Variants in CFLAR observed in about 807,000 individuals in gnomAD.
The protein encoded by CFLAR is CASP8 and FADD like apoptosis regulator.
A neutral mutation model predicts 51.1 loss-of-function variants in CFLAR; 14 were observed. That is an observed-to-expected ratio of 0.27 (90% CI 0.18 to 0.43). CFLAR has a LOEUF of 0.43. CFLAR is among the 20% of genes least tolerant of loss of function. The probability of loss-of-function intolerance (pLI) is 1.00; values close to 1 mark genes in which losing one functional copy is unlikely to be tolerated. For synonymous variants in CFLAR, 210 were observed against 211.6 expected, an observed-to-expected ratio of 0.99 and a Z score of 0.06; for missense variants, 390 against 566.5, an observed-to-expected ratio of 0.69 and a Z score of 3.16.
In CFLAR at chr2:201,164,063, C is replaced by T. The variant is rs1234144739; in HGVS notation, c.*90C>T. The T allele has an allele frequency of 2.7e-4, 277 of 1,039,812 alleles. No homozygotes were observed. The highest frequency in any genetic ancestry group is 3.4e-4 in the Non-Finnish European group (247 of 724,446). 64.4% of individuals were successfully genotyped at this position (1,039,812 alleles called of 1,614,324 possible). ...GGCAGATCACTTCAGGTCAGGAGTT[C>T]GAGACCAGCCTGGCCAACATGGTAA... On this transcript the variant is annotated 3_prime_UTR_variant, in exon 10 of 10. Transcript: ENST00000309955.
In CFLAR at chr2:201,160,544, C is replaced by CTA; in HGVS notation, c.906_907insTA (p.Arg303TyrfsTer12). The CTA allele has an allele frequency of 6.2e-7, 1 of 1,614,036 alleles. No homozygotes were observed. On this transcript the variant is annotated frameshift_variant, in exon 9 of 10. Coordinates refer to ENST00000309955, the MANE Select transcript of CFLAR (RefSeq NM_003879.7). LOFTEE classifies it high-confidence loss of function. ...GCCAATTTGCCTGTATGCCCGAGCA[C>CTA]CGAGACTACGACAGCTTTGTGTGTG...
At chr2:201,131,205 G>A (rs1239142922) in intron 2 of CFLAR, among the ~76,000 whole-genome samples, 3 of 152,150 alleles carry the variant, frequency 2.0e-5, no homozygotes, top group African/African-American at 7.2e-5. Context: ...GACTTCCTGG[G>A]GAAAGGAAGA....
chr2:201,143,232 A>C (rs1939357220), intron 5 of CFLAR: 1 of 152,172 alleles, frequency 6.6e-6, no homozygotes, highest in South Asian at 2.1e-4. Flanking sequence ...CTGTAATCTC[A>C]GCACGTTGGG....
chr2:201,164,002 A>G lies in CFLAR; in HGVS notation c.*29A>G. 2 of 1,595,180 alleles carry G rather than the reference A, an allele frequency of 1.3e-6. No individual in the cohort carries two copies. Among genetic ancestry groups the G allele is most frequent in the African/African-American group, 2.7e-5 (2 of 74,314 alleles). ...ACCAAAAGGCTGGGCGTAGTGGCTC[A>G]CACCTGTAATCCCAGCACTTTGGGA... On this transcript the variant is annotated 3_prime_UTR_variant, in exon 10 of 10. Coordinates refer to ENST00000309955, the MANE Select transcript of CFLAR (RefSeq NM_003879.7).
At chr2:201,154,630 G>A (rs1247194814) in intron 8 of CFLAR, 2 of 152,248 alleles carry the variant, frequency 1.3e-5, no homozygotes, top group East Asian at 1.9e-4. Flanking sequence ...AATGAATGAA[G>A]GAATAAGCTC....
At chr2:201,135,246 C>T (rs2049942783) in intron 3 of CFLAR, among the ~76,000 whole-genome samples, 1 of 152,188 alleles carries the variant, frequency 6.6e-6, no homozygotes, top group South Asian at 2.1e-4. Flanking sequence ...AAAACTATAA[C>T]ATGTGATTTT....
At position 201,138,157 on chromosome 2, in the gene CFLAR, C is replaced by T. The variant is rs1242107641; in HGVS notation, c.523+2050C>T. The T allele has an allele frequency of 1.8e-5, 16 of 877,764 alleles. No homozygotes were observed. The South Asian group carries it at 2.0e-4, about 11-fold the overall frequency. 54.4% of individuals were successfully genotyped at this position (877,764 alleles called of 1,614,324 possible). On this transcript the variant is annotated intron_variant, in intron 4 of 9. Transcript: ENST00000309955. The surrounding 1 kb of genome is among the most constrained non-coding windows in gnomAD (Gnocchi z 4.0). The stretch of plus-strand genomic sequence containing the variant: ...TGGCCTGGGCTGCTGTCACCACGTT[C>T]CCCCCAATCACCTGGAGGTGGGGTT...
chr2:201,136,704 G>A, intron 4 of CFLAR: 1 of 686,970 alleles, frequency 1.5e-6, no homozygotes, highest in Non-Finnish European at 2.3e-6. Flanking sequence ...GGGCATGGCT[G>A]AGACTCATTG....
At chr2:201,160,989 G>A (rs542523512) in intron 9 of CFLAR, 47 bp downstream of exon 9, 57 of 1,396,420 alleles carry the variant, frequency 4.1e-5, no homozygotes, top group African/African-American at 2.4e-4. Context: ...GCTTATTTTC[G>A]TGCCACCAGG....
At chr2:201,148,718 G>A (rs531108233) in intron 6 of CFLAR, 1 of 338,632 alleles carries the variant, frequency 3.0e-6, no homozygotes, top group South Asian at 3.8e-5. Context: ...AAACTCACCA[G>A]CCACCTGTTC....
intron 5 of CFLAR, chr2:201,140,782 C>A: frequency 6.2e-6 from 1 of 160,578 alleles, no homozygotes; most frequent in Non-Finnish European, 1.3e-5. Context: ...TATATACATA[C>A]ATACATACAT....
At chr2:201,151,045 G>A (rs568655238) in intron 8 of CFLAR, 1 of 152,140 alleles carries the variant, frequency 6.6e-6, no homozygotes. Context: ...CTAGATAGAC[G>A]ACAAAAGCTT....
At chr2:201,140,079 G>T in intron 4 of CFLAR, 3 of 140,956 alleles carry the variant, frequency 2.1e-5, no homozygotes, top group South Asian at 5.3e-5. Context: ...GCTGCGACGC[G>T]GAGGCGCGCC....
At chr2:201,162,324 G>A (rs569864883) in intron 9 of CFLAR, among the ~76,000 whole-genome samples, 5 of 152,136 alleles carry the variant, frequency 3.3e-5, no homozygotes, top group African/African-American at 1.2e-4. Context: ...GGCTGGTCCC[G>A]AACTCCTGAC....
At chr2:201,151,186 A>C (rs1941226700) in intron 8 of CFLAR, 1 of 152,156 alleles carries the variant, frequency 6.6e-6, no homozygotes, top group African/African-American at 2.4e-5. Flanking sequence ...TCTGCGCGTC[A>C]CCATTGCTTG....
chr2:201,124,115 C>T lies in CFLAR; in HGVS notation c.-137-5614C>T, dbSNP rs375305326. Among the ~76,000 whole-genome samples, 6 of 152,140 alleles carry T rather than the reference C, an allele frequency of 3.9e-5. No homozygotes were observed. Among genetic ancestry groups the T allele is most frequent in the African/African-American group, 1.4e-4 (6 of 41,414 alleles). ...AGTAGAAAGAAGGGAATGTTAAGTA[C>T]GTCTTTGGATGGCTTAGCTGGTCAT... On this transcript the variant is annotated intron_variant, in intron 1 of 9. Transcript: ENST00000309955. This position sits in a 1 kb window ranked among gnomAD's most constrained non-coding sequence, Gnocchi z 4.7.
rs888429222 is a variant in CFLAR at position 201,171,610 on chromosome 2, A to G, written c.*7637A>G. ...AAACCACCATGGGACACGTTTACCTATGTAACAAACCCGCACATCCTGCAC... is the reference window on the plus strand; with the variant it reads ...AAACCACCATGGGACACGTTTACCTGTGTAACAAACCCGCACATCCTGCAC... On this transcript the variant is annotated 3_prime_UTR_variant, in exon 10 of 10. Transcript: ENST00000309955. 1 of 152,100 alleles carries G rather than the reference A, an allele frequency of 6.6e-6. No individual in the cohort carries two copies. Among genetic ancestry groups the G allele is most frequent in the Non-Finnish European group, 1.5e-5 (1 of 68,012 alleles). The allele number at this position is 152,100 out of a possible 1,614,324, so 9.4% of individuals were successfully genotyped here. A position where few individuals can be genotyped will look rare whatever the true frequency, so the allele number is the denominator to read the frequency against.
At chr2:201,140,165 C>G (rs938377176) in intron 4 of CFLAR, 192 bp from the exon 5 acceptor site, 25 of 465,362 alleles carry the variant, frequency 5.4e-5, no homozygotes, top group Non-Finnish European at 7.0e-6. Context: ...CGGGGCGGGC[C>G]AGGGCGCCCT....
rs1177168083 is a variant in CFLAR at position 201,167,157 on chromosome 2, C to T, written c.*3184C>T. 1 of 152,084 alleles carries T rather than the reference C, an allele frequency of 6.6e-6. No individual in the cohort carries two copies. Among genetic ancestry groups the T allele is most frequent in the Admixed American group, 6.6e-5 (1 of 15,264 alleles). The allele number at this position is 152,084 out of a possible 1,614,324, so 9.4% of individuals were successfully genotyped here. A position where few individuals can be genotyped will look rare whatever the true frequency, so the allele number is the denominator to read the frequency against. ...TTTTGTCATGATCATGTAACAGAGT[C>T]TGAAAAGTGTCGAAGAGACAGTTTT... On this transcript the variant is annotated 3_prime_UTR_variant, in exon 10 of 10. Coordinates refer to ENST00000309955, the MANE Select transcript of CFLAR (RefSeq NM_003879.7).
Sources: gnomAD v4.1 joint callset for allele counts (sites outside exome capture counted in the v4.1 genomes callset) on GRCh38, gnomAD v4.1.1 for gene constraint, Gnocchi (gnomAD v3.1) non-coding constraint, MANE v1.5 for transcripts, NCBI Gene and HGNC (gene_info 2026-07-23, HGNC 2026-07-21) for gene names.